The following CDH18 variants were observed in gnomAD, a reference collection of about 807,000 sequenced individuals.
CDH18 encodes the protein cadherin 18, also known as cadherin-18.
In CDH18, 31 loss-of-function variants were observed where a neutral mutation model predicts 67.9. That is an observed-to-expected ratio of 0.46 (90% CI 0.34 to 0.62). The LOEUF (loss-of-function observed/expected upper bound fraction) is 0.62. CDH18 is among the 20% of genes least tolerant of loss of function. The pLI, the probability that CDH18 is intolerant of heterozygous loss-of-function variation, is 0.01. For synonymous variants in CDH18, 362 were observed against 347.2 expected (o/e 1.04, Z -0.48); for missense variants, 890 against 975.5 (o/e 0.91, Z 1.17).
chr5:20,067,222 C>T (rs1365106418), intron 2 of CDH18, among the ~76,000 whole-genome samples: 1 of 151,570 alleles, frequency 6.6e-6, no homozygotes, highest in Non-Finnish European at 1.5e-5. Context: ...ATCCTGGAAG[C>T]AAACCACTGT....
chr5:20,319,974 A>G (rs1410708214), intron 1 of CDH18, among the ~76,000 whole-genome samples: 1 of 152,162 alleles, frequency 6.6e-6, no homozygotes, highest in East Asian at 1.9e-4. Context: ...ATATGTCTGC[A>G]TGAATTTTAT....
chr5:20,030,759 G>A (rs957135018), intron 2 of CDH18, among the ~76,000 whole-genome samples: 1 of 152,118 alleles, frequency 6.6e-6, no homozygotes, highest in African/African-American at 2.4e-5. Context: ...TACGAGTTAG[G>A]CCATGCAGAG....
intron 1 of CDH18, among the ~76,000 whole-genome samples, chr5:20,418,140 A>G (rs758473462): frequency 1.3e-4 from 19 of 151,450 alleles, no homozygotes; most frequent in Non-Finnish European, 2.7e-4. Context: ...CAGTGGCGCA[A>G]TCTTGGCTCA....
chr5:20,338,895 A>C (rs907400405), intron 1 of CDH18, among the ~76,000 whole-genome samples: 2 of 152,176 alleles, frequency 1.3e-5, no homozygotes, highest in African/African-American at 4.8e-5. Context: ...AACAGTGGAG[A>C]GCTAGGGCTT....
chr5:20,187,421 G>A (rs920266170), intron 2 of CDH18, among the ~76,000 whole-genome samples: 1 of 151,584 alleles, frequency 6.6e-6, no homozygotes, highest in African/African-American at 2.4e-5. Context: ...AAGACAAATG[G>A]GACCAAGACA....
chr5:19,955,955 G>A (rs1336755268), intron 2 of CDH18, among the ~76,000 whole-genome samples: 1 of 151,910 alleles, frequency 6.6e-6, no homozygotes, highest in Non-Finnish European at 1.5e-5. Flanking sequence ...TAAAGTTTCA[G>A]ATATCCAAGT....
chr5:20,052,818 T>C (rs532618082), intron 2 of CDH18, among the ~76,000 whole-genome samples: 3 of 152,168 alleles, frequency 2.0e-5, no homozygotes, highest in African/African-American at 4.8e-5. Context: ...ATAAAGAAGA[T>C]AACCAGTTTT....
In CDH18 at chr5:19,962,378, C is replaced by CA. The variant is rs3065078; in HGVS notation, c.-257+18681dup. ...AATTTAGAGAATAAACGTCAAAAAG[C>CA]AAAAAAAAAAAAAAAAAAGAAAATT... On this transcript the variant is annotated intron_variant, in intron 2 of 12. Coordinates refer to ENST00000382275, the MANE Select transcript of CDH18 (RefSeq NM_004934.5). Among the ~76,000 whole-genome samples, 46 of 51,574 alleles carry CA rather than the reference C, an allele frequency of 8.9e-4. 1 individual carries two copies. The highest frequency in any genetic ancestry group is 2.8e-3 in the African/African-American group (33 of 11,842). The allele number at this position is 51,574 out of a possible 152,430, so 33.8% of individuals were successfully genotyped here. A position where few individuals can be genotyped will look rare whatever the true frequency, so the allele number is the denominator to read the frequency against.
At chr5:19,582,066 C>CT (rs1175639499) in intron 7 of CDH18, among the ~76,000 whole-genome samples, 1 of 151,974 alleles carries the variant, frequency 6.6e-6, no homozygotes, top group African/African-American at 2.4e-5. Flanking sequence ...CATTTGAACA[C>CT]TGGACAAATA....
intron 1 of CDH18, among the ~76,000 whole-genome samples, chr5:20,473,769 T>C (rs1752249661): frequency 6.6e-6 from 1 of 152,176 alleles, no homozygotes; most frequent in African/African-American, 2.4e-5. Flanking sequence ...TCTTGGTTAT[T>C]GTTGTGGTTG....
Position 19,794,216 on chromosome 5 carries a change from T to C in CDH18, c.228+44543A>G, listed in dbSNP as rs374441909. The stretch of plus-strand genomic sequence containing the variant: ...GGCTAAGGGATGTCCAGAGAGGTGG[T>C]AAAATGTTATTTCTGAATGTGTCTG... On this transcript the variant is annotated intron_variant, in intron 3 of 12. Transcript: ENST00000382275. Among the ~76,000 whole-genome samples, 13 of 152,230 alleles carry C rather than the reference T, an allele frequency of 8.5e-5. No homozygotes were observed. In the East Asian group the frequency reaches 2.1e-3, roughly 25 times the overall value.
In CDH18 at chr5:19,921,399, C is replaced by A. The variant is rs77671178; in HGVS notation, c.-257+59661G>T. Among the ~76,000 whole-genome samples the A allele has an allele frequency of 4.6e-4, 70 of 151,846 alleles. No individual in the cohort carries two copies. In the East Asian group the frequency reaches 0.013, roughly 28 times the overall value. On this transcript the variant is annotated intron_variant, in intron 2 of 12. Coordinates refer to ENST00000382275, the MANE Select transcript of CDH18 (RefSeq NM_004934.5). ...ACAAATAATTAGCCAGGAGTGGTGG[C>A]GGGCACCTGTAGTCCCAGCTACTCG...
chr5:19,876,660 G>C (rs1385786989), intron 2 of CDH18, among the ~76,000 whole-genome samples: 6 of 134,722 alleles, frequency 4.5e-5, no homozygotes, highest in Non-Finnish European at 7.9e-5. Context: ...TATTATCCAG[G>C]AATCTTTAAC....
Position 19,591,229 on chromosome 5 carries a change from T to A in CDH18, c.827A>T (p.Tyr276Phe). 6.2e-7 allele frequency: 1 copy of A among 1,605,354 alleles called. No homozygotes were observed. The highest frequency in any genetic ancestry group is 8.5e-7 in the Non-Finnish European group (1 of 1,176,032). The change falls in exon 7 of 13, where the codon TAT (tyrosine) becomes TTT (phenylalanine). Residue 276 changes from tyrosine to phenylalanine, a missense_variant. Coordinates refer to ENST00000382275, the MANE Select transcript of CDH18 (RefSeq NM_004934.5). ...PRFPQKHYQL[Y>F]VPESAQVGSA... ...ACCAACTTGAGCTGACTCAGGAACA[T>A]ATAGCTGATAGTGTTCTGGAAGACA... is the stretch of plus-strand genomic sequence containing the variant.
Position 19,818,819 on chromosome 5 carries a change from T to C in CDH18, c.228+19940A>G, listed in dbSNP as rs1021668163. On this transcript the variant is annotated intron_variant, in intron 3 of 12. Coordinates refer to ENST00000382275, the MANE Select transcript of CDH18 (RefSeq NM_004934.5). The stretch of plus-strand genomic sequence containing the variant: ...ATCATATATTCTTTCCATAGTTGAC[T>C]GAAATGTCATTATGTGGCACATGAC... 9.8e-5 allele frequency among the ~76,000 whole-genome samples: 15 copies of C among 152,362 alleles called. No homozygotes were observed. The East Asian group carries it at 2.7e-3, about 27-fold the overall frequency.
At chr5:19,945,970 G>A (rs147177937) in intron 2 of CDH18, among the ~76,000 whole-genome samples, 3 of 152,186 alleles carry the variant, frequency 2.0e-5, no homozygotes, top group African/African-American at 7.2e-5. Context: ...ATAATTTGCT[G>A]CACGCTCCAC....
intron 2 of CDH18, among the ~76,000 whole-genome samples, chr5:20,033,226 C>T (rs548202126): frequency 2.2e-4 from 34 of 151,982 alleles, no homozygotes; most frequent in Middle Eastern, 3.4e-3. Flanking sequence ...ATGCTTCCTC[C>T]TTTACAAAAT....
intron 1 of CDH18, among the ~76,000 whole-genome samples, chr5:20,442,484 T>A (rs2150192894): frequency 6.6e-6 from 1 of 152,074 alleles, no homozygotes; most frequent in East Asian, 1.9e-4. Flanking sequence ...TATGAGTTAC[T>A]TTTGTATCCA....
chr5:20,099,489 T>C (rs1746271934), intron 2 of CDH18, among the ~76,000 whole-genome samples: 1 of 152,212 alleles, frequency 6.6e-6, no homozygotes, highest in Admixed American at 6.5e-5. Flanking sequence ...CATTCATTTT[T>C]TTCAGGATAA....
Sources: allele counts gnomAD v4.1 joint callset (sites outside exome capture counted in the v4.1 genomes callset), GRCh38; gene constraint gnomAD v4.1.1; transcripts MANE v1.5; gene names NCBI Gene and HGNC (gene_info 2026-07-23, HGNC 2026-07-21).